KCNU1: variants seen among roughly 807,000 people sequenced by gnomAD.
KCNU1 encodes potassium channel subfamily U member 1.
KCNU1 carries 93 observed loss-of-function variants against 126.8 expected under a neutral mutation model. That is an observed-to-expected ratio of 0.73 (90% confidence interval 0.62 to 0.87). The LOEUF (loss-of-function observed/expected upper bound fraction) is 0.87. Among genes scored for constraint, KCNU1 ranks in the 40% least tolerant of loss-of-function variants. The probability of loss-of-function intolerance (pLI) is 0.00; values close to 1 mark genes in which losing one functional copy is unlikely to be tolerated. For missense variants in KCNU1, 1,330 were observed against 1,367.1 expected (o/e 0.97, Z 0.43); for synonymous variants, 523 against 494.2 (o/e 1.06, Z -0.77).
chr8:36,902,729 C>T (rs1396135901), intron 19 of KCNU1, among the ~76,000 whole-genome samples: 2 of 152,060 alleles, frequency 1.3e-5, no homozygotes, highest in African/African-American at 4.8e-5. Context: ...AAAATCAAGA[C>T]CAGACTCAGG....
At chr8:36,881,900 A>G (rs1442753221) in intron 19 of KCNU1, among the ~76,000 whole-genome samples, 1 of 151,932 alleles carries the variant, frequency 6.6e-6, no homozygotes, top group Non-Finnish European at 1.5e-5. Context: ...TTACCATGTT[A>G]TAGCCAGATT....
rs1040845830 is a variant in KCNU1, at chr8:36,833,719, A to C, written c.1212+60A>C. 3.2e-6 allele frequency: 3 copies of C among 949,194 alleles called. No individual in the cohort carries two copies. In the African/African-American group the frequency reaches 4.9e-5, roughly 15 times the overall value. The allele number at this position is 949,194 out of a possible 1,614,324, so 58.8% of individuals were successfully genotyped here. A position where few individuals can be genotyped will look rare whatever the true frequency, so the allele number is the denominator to read the frequency against. On this transcript the variant is annotated intron_variant, in intron 11 of 26. Transcript: ENST00000399881. ...CCTTAGTTGCAACAATTAAAATAAT[A>C]GGATATATTGCTTTTTAAAAAAGGT...
intron 20 of KCNU1, among the ~76,000 whole-genome samples, chr8:36,906,360 C>T (rs1484701870): frequency 1.3e-5 from 2 of 152,086 alleles, no homozygotes; most frequent in African/African-American, 2.4e-5. Context: ...ACAGTCATGT[C>T]CTTGTCTCTC....
At chr8:36,824,742 A>G (rs1017299222) in intron 10 of KCNU1, among the ~76,000 whole-genome samples, 15 of 152,142 alleles carry the variant, frequency 9.9e-5, no homozygotes, top group Non-Finnish European at 1.9e-4. Context: ...TTAAATGTGT[A>G]TAAATGGAAT....
intron 14 of KCNU1, 92 bp from the exon 15 acceptor site, chr8:36,840,371 A>T: frequency 1.5e-6 from 1 of 654,954 alleles, no homozygotes; most frequent in African/African-American, 1.8e-5. Flanking sequence ...TGCAATGAAG[A>T]CTTGTTTGTG....
intron 20 of KCNU1, among the ~76,000 whole-genome samples, 188 bp downstream of exon 20, chr8:36,905,992 A>G (rs1002629589): frequency 1.3e-5 from 2 of 152,190 alleles, no homozygotes; most frequent in African/African-American, 4.8e-5. Context: ...GGCATTTGAC[A>G]AAGCCTACAT....
chr8:36,814,302 C>G lies in KCNU1; in HGVS notation c.828C>G (p.Thr276=). Residue 276 remains threonine (T), a synonymous_variant, in exon 8 of 27, where the codon ACC becomes ACG. Coordinates refer to ENST00000399881, the MANE Select transcript of KCNU1 (RefSeq NM_001031836.3). ...SIYLVMATTS[T]VGFGDVVAKT... ...ACCTGGTCATGGCAACAACGTCAAC[C>G]GTTGGATTTGGAGATGTGGTAGCCA... The G allele has an allele frequency of 1.2e-6, 2 of 1,612,520 alleles. No individual in the cohort carries two copies. The highest frequency in any genetic ancestry group is 1.7e-4 in the Middle Eastern group (1 of 6,060).
At chr8:36,822,409 A>T (rs1038748855) in intron 10 of KCNU1, among the ~76,000 whole-genome samples, 1 of 151,958 alleles carries the variant, frequency 6.6e-6, no homozygotes, top group African/African-American at 2.4e-5. Context: ...CCTATAAAGG[A>T]CTCTAACAAA....
intron 1 of KCNU1, 30 bp downstream of exon 1, chr8:36,784,635 G>C: frequency 6.5e-7 from 1 of 1,538,450 alleles, no homozygotes; most frequent in Non-Finnish European, 8.9e-7. Flanking sequence ...ATCCCTCTGT[G>C]TGAAGTCAGA....
At chr8:36,916,160 G>A (rs927498176) in intron 22 of KCNU1, among the ~76,000 whole-genome samples, 1 of 145,800 alleles carries the variant, frequency 6.9e-6, no homozygotes, top group African/African-American at 2.5e-5. Flanking sequence ...AGAAGGGAGG[G>A]GAAAGGAAAG....
At chr8:36,932,606 C>T (rs1178051036) in intron 25 of KCNU1, among the ~76,000 whole-genome samples, 1 of 152,044 alleles carries the variant, frequency 6.6e-6, no homozygotes, top group Admixed American at 6.6e-5. Context: ...CATTTTCCAA[C>T]CTGTGGCTCA....
At chr8:36,831,014 T>C (rs1462151183) in intron 10 of KCNU1, among the ~76,000 whole-genome samples, 2 of 150,216 alleles carry the variant, frequency 1.3e-5, no homozygotes, top group Non-Finnish European at 3.0e-5. Flanking sequence ...CAGTATTTGG[T>C]TTTTTGTTCT....
intron 19 of KCNU1, among the ~76,000 whole-genome samples, chr8:36,881,672 G>A (rs1056302511): frequency 1.3e-5 from 2 of 152,032 alleles, no homozygotes; most frequent in African/African-American, 4.8e-5. Flanking sequence ...TGAGTGTCTG[G>A]AATTCAAATT....
rs533058764 is a variant in KCNU1, at chr8:36,912,697, C to T, written c.2521+1578C>T. On this transcript the variant is annotated intron_variant, in intron 22 of 26. Transcript: ENST00000399881. ...CATTTTAAAAGCAGTATAGGCAGGG[C>T]GCGGTGGCTCACGCCTGTAATCCCA... is the stretch of plus-strand genomic sequence containing the variant. Among the ~76,000 whole-genome samples the T allele has an allele frequency of 4.2e-4, 64 of 152,088 alleles. 2 individuals are homozygous for T. The Middle Eastern group carries it at 0.014, about 32-fold the overall frequency.
intron 2 of KCNU1, among the ~76,000 whole-genome samples, chr8:36,802,863 T>G (rs1803362559): frequency 6.6e-6 from 1 of 152,160 alleles, no homozygotes; most frequent in African/African-American, 2.4e-5. Context: ...GGGATCTTTG[T>G]GTATATTGAT....
At chr8:36,935,016 AG>A (rs1294879074) in intron 26 of KCNU1, among the ~76,000 whole-genome samples, 1 of 152,130 alleles carries the variant, frequency 6.6e-6, no homozygotes, top group Non-Finnish European at 1.5e-5. Flanking sequence ...GCATTAGGTT[AG>A]AGTAGGTCTA....
intron 16 of KCNU1, among the ~76,000 whole-genome samples, chr8:36,841,236 C>G (rs74682523): frequency 2.6e-5 from 4 of 151,838 alleles, no homozygotes; most frequent in Non-Finnish European, 5.9e-5. Context: ...TTTTGTTCCT[C>G]GGACCCTGCC....
At position 36,836,951 on chromosome 8, in the gene KCNU1, C is replaced by A. The variant is rs1436886250; in HGVS notation, c.1518+6C>A. 6.2e-7 allele frequency: 1 copy of A among 1,613,354 alleles called. No homozygotes were observed. On this transcript the variant is annotated splice_donor_region_variant and intron_variant, in intron 14 of 26. Coordinates refer to ENST00000399881, the MANE Select transcript of KCNU1 (RefSeq NM_001031836.3). ...TTGTGGAGCAAAACAAAAAGGTAAC[C>A]TTGTAAATTACTGTTGATTCTTGGC...
At chr8:36,861,428 A>G (rs958344705) in intron 18 of KCNU1, among the ~76,000 whole-genome samples, 19 of 152,038 alleles carry the variant, frequency 1.2e-4, no homozygotes, top group South Asian at 2.1e-4. Flanking sequence ...ATGCCAATCC[A>G]TGATGTTTTT....
Sources: allele counts gnomAD v4.1 joint callset (sites outside exome capture counted in the v4.1 genomes callset), GRCh38; gene constraint gnomAD v4.1.1; transcripts MANE v1.5; gene names NCBI Gene and HGNC (gene_info 2026-07-23, HGNC 2026-07-21).